The following MINDY4 variants were observed in gnomAD, a reference collection of about 807,000 sequenced individuals.
MINDY4 encodes the protein probable ubiquitin carboxyl-terminal hydrolase MINDY-4.
In MINDY4, 68 loss-of-function variants were observed where a neutral mutation model predicts 87.0. The ratio of observed to expected loss-of-function variants is 0.78; its 90% CI spans 0.64 to 0.96. MINDY4 has a LOEUF of 0.96. Among genes scored for constraint, MINDY4 ranks in the 40% least tolerant of loss-of-function variants. The pLI is 0.00. For synonymous variants in MINDY4, 379 were observed against 363.2 expected (o/e 1.04, Z -0.50); for missense variants, 919 against 928.2 (o/e 0.99, Z 0.13).
In MINDY4 at chr7:30,785,914, G is replaced by A; in HGVS notation, c.585G>A (p.Arg195=). ...CGGAGCCTTCCTTGGATGTGAAGAG[G>A]ATGGGAGAGAATTCCAGGCCAAAGT... is the stretch of plus-strand genomic sequence containing the variant. ...LHSEPSLDVK[R]MGENSRPKSG... is the part of the protein sequence containing the mutation. Residue 195 remains arginine (R), a synonymous_variant, in exon 4 of 18, where the codon AGG becomes AGA. Transcript: ENST00000265299. 3 of 1,614,248 alleles carry A rather than the reference G, an allele frequency of 1.9e-6. No individual in the cohort carries two copies. Among genetic ancestry groups the A allele is most frequent in the Non-Finnish European group, 1.7e-6 (2 of 1,180,052 alleles).
rs554801070 is a variant in MINDY4 at position 30,847,692 on chromosome 7, T to G, written c.1446-2762T>G. Among the ~76,000 whole-genome samples the G allele has an allele frequency of 2.0e-5, 3 of 151,274 alleles. No homozygotes were observed. The South Asian group carries it at 6.3e-4, about 32-fold the overall frequency. On this transcript the variant is annotated intron_variant, in intron 9 of 17. Coordinates refer to ENST00000265299, the MANE Select transcript of MINDY4 (RefSeq NM_032222.3). ...GTTTATAACAGTGTCTGGCACATGA[T>G]AAATACTCTATATATGTGTGTGTGT...
chr7:30,853,350 C>T (rs747364519), intron 11 of MINDY4, 44 bp from the exon 12 acceptor site: 12 of 1,543,578 alleles, frequency 7.8e-6, no homozygotes, highest in Admixed American at 5.1e-5. Context: ...TGGGGCACTG[C>T]GTGGGGCTTG....
intron 12 of MINDY4, among the ~76,000 whole-genome samples, chr7:30,854,348 C>T (rs1185959287): frequency 6.6e-6 from 1 of 152,198 alleles, no homozygotes; most frequent in African/African-American, 2.4e-5. Context: ...TAGTTGTTAG[C>T]TTCTGTTGTT....
At chr7:30,870,515 T>A (rs974825910) in intron 13 of MINDY4, among the ~76,000 whole-genome samples, 2 of 152,172 alleles carry the variant, frequency 1.3e-5, no homozygotes, top group Admixed American at 6.5e-5. Context: ...CCCCCAAGCC[T>A]TAGTGGTTCT....
At chr7:30,816,562 G>A (rs1053665464) in intron 5 of MINDY4, among the ~76,000 whole-genome samples, 1 of 152,166 alleles carries the variant, frequency 6.6e-6, no homozygotes, top group African/African-American at 2.4e-5. Flanking sequence ...GCCTGGGCCC[G>A]ATGGCTTTTC....
intron 5 of MINDY4, among the ~76,000 whole-genome samples, chr7:30,822,493 A>G (rs1164918388): frequency 1.3e-5 from 2 of 152,138 alleles, no homozygotes; most frequent in East Asian, 1.9e-4. Flanking sequence ...TATTGATTCA[A>G]TAACATTATC....
chr7:30,889,489 A>G lies in MINDY4; in HGVS notation c.2226-2468A>G, dbSNP rs147904136. ...ACTCCACCCCCAAATAGTATCAGCAATGGGCACTCACTGCCGAGGAGAAGT... is the reference window on the plus strand; with the variant it reads ...ACTCCACCCCCAAATAGTATCAGCAGTGGGCACTCACTGCCGAGGAGAAGT... On this transcript the variant is annotated intron_variant, in intron 17 of 17. Transcript: ENST00000265299. Among the ~76,000 whole-genome samples the G allele has an allele frequency of 2.8e-4, 43 of 152,324 alleles. No individual in the cohort carries two copies. In the East Asian group the frequency reaches 6.9e-3, roughly 25 times the overall value.
At chr7:30,818,496 A>G (rs1435932962) in intron 5 of MINDY4, among the ~76,000 whole-genome samples, 2 of 152,204 alleles carry the variant, frequency 1.3e-5, no homozygotes, top group East Asian at 1.9e-4. Context: ...AGGGAAGACT[A>G]TTATTAGCCC....
chr7:30,777,738 T>G (rs1428281905), intron 1 of MINDY4, among the ~76,000 whole-genome samples: 2 of 152,192 alleles, frequency 1.3e-5, no homozygotes, highest in Non-Finnish European at 2.9e-5. Flanking sequence ...CCTCCAGCCA[T>G]TTGACAATCA....
intron 9 of MINDY4, 22 bp downstream of exon 9, chr7:30,840,870 C>T (rs1789009400): frequency 6.3e-7 from 1 of 1,599,860 alleles, no homozygotes; most frequent in African/African-American, 1.3e-5. Context: ...CTCTTTCTGG[C>T]AATATCTTAT....
chr7:30,864,003 C>T (rs901611532), intron 13 of MINDY4, among the ~76,000 whole-genome samples: 1 of 152,220 alleles, frequency 6.6e-6, no homozygotes, highest in Non-Finnish European at 1.5e-5. Context: ...TGAGCATGGG[C>T]TGCTCTGGTG....
chr7:30,882,921 A>G lies in MINDY4; in HGVS notation c.2153A>G (p.Asp718Gly). The G allele has an allele frequency of 1.2e-6, 2 of 1,613,750 alleles. No homozygotes were observed. The highest frequency in any genetic ancestry group is 1.7e-5 in the Admixed American group (1 of 59,982). ...TGTGTGCCTCTCTCCTCCTTCCCAG[A>G]CACCACCCAAACCATCTCTGAGGAC... Reference protein sequence around the residue: ...NQQEQIRLTIDTTQTISEDTD... With the variant: ...NQQEQIRLTIGTTQTISEDTD... The change falls in exon 17 of 18, where the codon GAC becomes GGC. Residue 718 changes from aspartate to glycine, a missense_variant and splice_region_variant. Physicochemically the swap from Asp to Gly is moderately conservative, Grantham distance 94. Transcript: ENST00000265299.
intron 15 of MINDY4, among the ~76,000 whole-genome samples, chr7:30,879,459 C>T (rs768810225): frequency 5.9e-5 from 9 of 152,188 alleles, no homozygotes; most frequent in Non-Finnish European, 1.0e-4. Flanking sequence ...TATGGCAGCC[C>T]GAGCAGACTA....
At chr7:30,841,637 A>T (rs201132185) in intron 9 of MINDY4, among the ~76,000 whole-genome samples, 5,538 of 149,870 alleles carry the variant, frequency 0.037, 147 homozygotes, top group East Asian at 0.11. Context: ...GCCTTTTTTA[A>T]AAAAAAAAAA....
At chr7:30,813,672 C>T (rs1286881637) in intron 5 of MINDY4, among the ~76,000 whole-genome samples, 1 of 152,230 alleles carries the variant, frequency 6.6e-6, no homozygotes, top group African/African-American at 2.4e-5. Context: ...GGCTCAGGGA[C>T]ACAGCTAATT....
At chr7:30,886,884 G>A (rs1360403903) in intron 17 of MINDY4, among the ~76,000 whole-genome samples, 4 of 152,150 alleles carry the variant, frequency 2.6e-5, no homozygotes, top group Non-Finnish European at 4.4e-5. Flanking sequence ...CAAAAAAACA[G>A]GCTAATTTAT....
At chr7:30,825,109 C>T (rs1397468600) in intron 5 of MINDY4, among the ~76,000 whole-genome samples, 1 of 152,220 alleles carries the variant, frequency 6.6e-6, no homozygotes, top group East Asian at 1.9e-4. Flanking sequence ...GTTATCAGCA[C>T]AATCACACTT....
At chr7:30,819,616 C>A (rs1182658678) in intron 5 of MINDY4, among the ~76,000 whole-genome samples, 1 of 152,008 alleles carries the variant, frequency 6.6e-6, no homozygotes, top group Non-Finnish European at 1.5e-5. Flanking sequence ...AGAGTTTCTC[C>A]TCGTAGTTCT....
At chr7:30,857,219 C>T (rs969574497) in intron 12 of MINDY4, among the ~76,000 whole-genome samples, 27 of 152,284 alleles carry the variant, frequency 1.8e-4, no homozygotes, top group Middle Eastern at 3.4e-3. Context: ...TTTGGAGCGA[C>T]GTTCACTTTT....
Sources: allele counts gnomAD v4.1 joint callset (sites outside exome capture counted in the v4.1 genomes callset), GRCh38; gene constraint gnomAD v4.1.1; transcripts MANE v1.5; gene names NCBI Gene and HGNC (gene_info 2026-07-23, HGNC 2026-07-21).